Variants in TMEM33 observed in about 807,000 individuals in gnomAD.
The protein encoded by TMEM33 is transmembrane protein 33.
Under a neutral mutation model 29.7 loss-of-function variants are expected in TMEM33, and 16 were observed. The observed-to-expected ratio is 0.54, with a 90% confidence interval of 0.36 to 0.82. The LOEUF (loss-of-function observed/expected upper bound fraction) is 0.82. Ranked by LOEUF, TMEM33 falls within the 40% of genes least tolerant of loss-of-function variation. TMEM33 has a pLI of 0.00. For missense variants in TMEM33, 252 were observed against 295.3 expected (o/e 0.85, Z 1.08); for synonymous variants, 112 against 109.4 (o/e 1.02, Z -0.15).
chr4:41,944,001 A>G (rs1251704304), intron 4 of TMEM33, 187 bp downstream of exon 4: 1 of 548,242 alleles, frequency 1.8e-6, no homozygotes, highest in Non-Finnish European at 3.2e-6. Context: ...AAACTAGAAC[A>G]TTTTATAGAT....
Position 41,956,788 on chromosome 4 carries a change from A to C in TMEM33, c.*2589A>C, listed in dbSNP as rs757569988. The stretch of plus-strand genomic sequence containing the variant: ...GAAGGTTTAATATACAAAAAAAGGT[A>C]ATCTTAAACTTACGAAAAAGTAAAT... On this transcript the variant is annotated 3_prime_UTR_variant, in exon 7 of 7. Coordinates refer to ENST00000504986, the MANE Select transcript of TMEM33 (RefSeq NM_018126.3). 1.9e-4 allele frequency: 29 copies of C among 152,186 alleles called. No individual in the cohort carries two copies. Among genetic ancestry groups the C allele is most frequent in the Non-Finnish European group, 4.0e-4 (27 of 68,000 alleles). The allele number at this position is 152,186 out of a possible 1,614,324, so 9.4% of individuals were successfully genotyped here. A position where few individuals can be genotyped will look rare whatever the true frequency, so the allele number is the denominator to read the frequency against.
In TMEM33 at chr4:41,958,996, G is replaced by T. The variant is rs1370291368; in HGVS notation, c.*4797G>T. 1 of 152,152 alleles carries T rather than the reference G, an allele frequency of 6.6e-6. No individual in the cohort carries two copies. Among genetic ancestry groups the T allele is most frequent in the African/African-American group, 2.4e-5 (1 of 41,400 alleles). 9.4% of individuals were successfully genotyped at this position (152,152 alleles called of 1,614,324 possible). A position where few individuals can be genotyped will look rare whatever the true frequency, so the allele number is the denominator to read the frequency against. On this transcript the variant is annotated 3_prime_UTR_variant, in exon 7 of 7. Transcript: ENST00000504986. ...ACCTCCCAGAGTGCTGGGATTATAGGTGTGAGCCACTAAGCCTGGCTGAGA... is the reference window on the plus strand; with the variant it reads ...ACCTCCCAGAGTGCTGGGATTATAGTTGTGAGCCACTAAGCCTGGCTGAGA...
chr4:41,954,206 A>G lies in TMEM33; in HGVS notation c.*7A>G, dbSNP rs1713164578. ...GGCACCAACAGTTCCATAGTTTAACATCTAGTTAAGCTACAAATATAGTAT... is the reference window on the plus strand; with the variant it reads ...GGCACCAACAGTTCCATAGTTTAACGTCTAGTTAAGCTACAAATATAGTAT... On this transcript the variant is annotated 3_prime_UTR_variant, in exon 7 of 7. Coordinates refer to ENST00000504986, the MANE Select transcript of TMEM33 (RefSeq NM_018126.3). The G allele has an allele frequency of 1.2e-6, 2 of 1,613,392 alleles. No homozygotes were observed. The highest frequency in any genetic ancestry group is 1.7e-6 in the Non-Finnish European group (2 of 1,179,552).
chr4:41,958,284 AG>A lies in TMEM33; in HGVS notation c.*4087del, dbSNP rs1346581411. 1 of 152,368 alleles carries A rather than the reference AG, an allele frequency of 6.6e-6. No homozygotes were observed. Among genetic ancestry groups the A allele is most frequent in the African/African-American group, 2.4e-5 (1 of 41,476 alleles). 9.4% of individuals were successfully genotyped at this position (152,368 alleles called of 1,614,324 possible). On this transcript the variant is annotated 3_prime_UTR_variant, in exon 7 of 7. Transcript: ENST00000504986. ...TCGGCCTTCCAAAGTGCTGGATTAC[AG>A]GCGTGAGCCACTGTGCCTGGCTTGC...
chr4:41,951,201 T>G (rs1713025028), intron 6 of TMEM33, among the ~76,000 whole-genome samples: 1 of 152,160 alleles, frequency 6.6e-6, no homozygotes, highest in South Asian at 2.1e-4. Context: ...TGCTGTCCAG[T>G]ACAGCACAGC....
At position 41,949,285 on chromosome 4, in the gene TMEM33, G is replaced by A. The variant is rs1712931990; in HGVS notation, c.531-17G>A. On this transcript the variant is annotated splice_polypyrimidine_tract_variant and intron_variant, in intron 5 of 6. Transcript: ENST00000504986. ...ATTGAAATGTATATTTATCACGCTTGTATTTGTTTATTTCAGTGGTCAAGG... is the reference window on the plus strand; with the variant it reads ...ATTGAAATGTATATTTATCACGCTTATATTTGTTTATTTCAGTGGTCAAGG... 6.4e-7 allele frequency: 1 copy of A among 1,560,130 alleles called. No homozygotes were observed.
Position 41,954,166 on chromosome 4 carries a change from C to G in TMEM33, c.711C>G (p.Ala237=). The change falls in exon 7 of 7, where the codon GCC becomes GCG. Residue 237 remains alanine (A), a synonymous_variant. Coordinates refer to ENST00000504986, the MANE Select transcript of TMEM33 (RefSeq NM_018126.3). ...FVRRLCLQSI[A]FISRLAPTVP ...GAAGACTTTGTCTCCAGAGCATTGC[C>G]TTTATAAGCAGATTGGCACCAACAG... 1 of 1,613,900 alleles carries G rather than the reference C, an allele frequency of 6.2e-7. No homozygotes were observed. The highest frequency in any genetic ancestry group is 8.5e-7 in the Non-Finnish European group (1 of 1,179,826).
chr4:41,935,186 T>A (rs1259312937), upstream of TMEM33: 1 of 532,594 alleles, frequency 1.9e-6, no homozygotes, highest in East Asian at 3.4e-5. Context: ...GTTGGCTCTT[T>A]AGGGCTTCAC....
chr4:41,945,575 T>C (rs77719687), intron 5 of TMEM33, among the ~76,000 whole-genome samples: 4,430 of 152,314 alleles, frequency 0.029, 199 homozygotes, highest in African/African-American at 0.1. Context: ...TATGTGTCTA[T>C]GTATGTAGTC....
chr4:41,946,032 A>C (rs1577651823), intron 5 of TMEM33, among the ~76,000 whole-genome samples: 2 of 147,348 alleles, frequency 1.4e-5, no homozygotes, highest in Admixed American at 6.8e-5. Flanking sequence ...CCTTTTTCCC[A>C]CTTGTATGTT....
At chr4:41,942,291 CTACT>C (rs1712577662) in intron 3 of TMEM33, among the ~76,000 whole-genome samples, 1 of 152,138 alleles carries the variant, frequency 6.6e-6, no homozygotes, top group South Asian at 2.1e-4. Flanking sequence ...TATATGATCT[CTACT>C]TAGGAAATGG....
intron 6 of TMEM33, chr4:41,953,689 A>C (rs946507331): frequency 4.4e-6 from 2 of 451,518 alleles, no homozygotes; most frequent in Non-Finnish European, 8.9e-6. Context: ...AAGAATAGGT[A>C]GGTCTGAGGA....
rs115534045 is a variant in TMEM33, at chr4:41,941,084, T to A, written c.328+1701T>A. ...GGTAATTTCATTTAAATATTCAGTA[T>A]ATGGAGATTCCCTTTAAATTACTCA... On this transcript the variant is annotated intron_variant, in intron 3 of 6. Coordinates refer to ENST00000504986, the MANE Select transcript of TMEM33 (RefSeq NM_018126.3). Among the ~76,000 whole-genome samples the A allele has an allele frequency of 6.2e-3, 951 of 152,330 alleles. 12 individuals are homozygous for A. The highest frequency in any genetic ancestry group is 0.022 in the African/African-American group (896 of 41,578).
chr4:41,941,152 A>G (rs540766568), intron 3 of TMEM33, among the ~76,000 whole-genome samples: 1 of 152,100 alleles, frequency 6.6e-6, no homozygotes, highest in Admixed American at 6.5e-5. Flanking sequence ...TAAGGATAAA[A>G]TTTTTCCTGT....
intron 1 of TMEM33, among the ~76,000 whole-genome samples, 168 bp downstream of exon 1, chr4:41,935,697 T>C (rs1234457022): frequency 2.0e-5 from 3 of 152,082 alleles, no homozygotes; most frequent in Admixed American, 6.5e-5. Flanking sequence ...AGCGAAGATA[T>C]GGAGGGAACT....
At chr4:41,939,791 C>G (rs1310995887) in intron 3 of TMEM33, 1 of 456,586 alleles carries the variant, frequency 2.2e-6, no homozygotes, top group Admixed American at 2.4e-5. Context: ...GAACTAGATA[C>G]AAATGGAATT....
Position 41,957,601 on chromosome 4 carries a change from T to C in TMEM33, c.*3402T>C, listed in dbSNP as rs953985508. On this transcript the variant is annotated 3_prime_UTR_variant, in exon 7 of 7. Coordinates refer to ENST00000504986, the MANE Select transcript of TMEM33 (RefSeq NM_018126.3). ...CAAGTAGAACTGAGAGATTTAGTTTTTTTTTTTTTTAAGTTTTAGTTCAGA... is the reference window on the plus strand; with the variant it reads ...CAAGTAGAACTGAGAGATTTAGTTTCTTTTTTTTTTAAGTTTTAGTTCAGA... The C allele has an allele frequency of 1.3e-5, 2 of 152,020 alleles. No homozygotes were observed. Among genetic ancestry groups the C allele is most frequent in the Non-Finnish European group, 2.9e-5 (2 of 67,992 alleles). The allele number at this position is 152,020 out of a possible 1,614,324, so 9.4% of individuals were successfully genotyped here.
Position 41,955,700 on chromosome 4 carries a change from TAC to T in TMEM33, c.*1503_*1504del, listed in dbSNP as rs1395603206. On this transcript the variant is annotated 3_prime_UTR_variant, in exon 7 of 7. Coordinates refer to ENST00000504986, the MANE Select transcript of TMEM33 (RefSeq NM_018126.3). ...CCACTAAGCTGGAGAAGCAGCCTCA[TAC>T]AGTTGATTTTGTGTATGTGGCTAGT... is the stretch of plus-strand genomic sequence containing the variant. 1.3e-5 allele frequency: 2 copies of T among 152,652 alleles called. No homozygotes were observed. Among genetic ancestry groups the T allele is most frequent in the African/African-American group, 4.8e-5 (2 of 41,454 alleles). 9.5% of individuals were successfully genotyped at this position (152,652 alleles called of 1,614,324 possible). A position where few individuals can be genotyped will look rare whatever the true frequency, so the allele number is the denominator to read the frequency against.
At position 41,954,725 on chromosome 4, in the gene TMEM33, T is replaced by G. The variant is rs565438076; in HGVS notation, c.*526T>G. On this transcript the variant is annotated 3_prime_UTR_variant, in exon 7 of 7. Transcript: ENST00000504986. Reference sequence around the variant, plus strand: ...GCTGCTTTGTTAGGACAGATGTGTTTTGAATGTACCATTATAAGAAGAATT... The same window carrying G: ...GCTGCTTTGTTAGGACAGATGTGTTGTGAATGTACCATTATAAGAAGAATT... 4 of 152,838 alleles carry G rather than the reference T, an allele frequency of 2.6e-5. No individual in the cohort carries two copies. The East Asian group carries it at 5.8e-4, about 22-fold the overall frequency. 9.5% of individuals were successfully genotyped at this position (152,838 alleles called of 1,614,324 possible).
Sources: allele counts gnomAD v4.1 joint callset (sites outside exome capture counted in the v4.1 genomes callset), GRCh38; gene constraint gnomAD v4.1.1; transcripts MANE v1.5; gene names NCBI Gene and HGNC (gene_info 2026-07-23, HGNC 2026-07-21).